PCDHA12: variants seen among roughly 807,000 people sequenced by gnomAD.
PCDHA12 encodes the protein protocadherin alpha 12.
A neutral mutation model predicts 60.0 loss-of-function variants in PCDHA12; 44 were observed. That is an observed-to-expected ratio of 0.73 (90% confidence interval 0.58 to 0.94). PCDHA12 has a LOEUF of 0.94. Among genes scored for constraint, PCDHA12 ranks in the 40% least tolerant of loss-of-function variants. The probability of loss-of-function intolerance (pLI) is 0.00; values close to 1 mark genes in which losing one functional copy is unlikely to be tolerated. For synonymous variants in PCDHA12, 569 were observed against 553.0 expected, an observed-to-expected ratio of 1.03 and a Z score of -0.40; for missense variants, 1,276 against 1,239.7, an observed-to-expected ratio of 1.03 and a Z score of -0.44.
rs570815670 is a variant in PCDHA12, at chr5:140,877,725, G to A, written c.2253G>A (p.Ser751=). 1 of 1,614,124 alleles carries A rather than the reference G, an allele frequency of 6.2e-7. No individual in the cohort carries two copies. The highest frequency in any genetic ancestry group is 8.5e-7 in the Non-Finnish European group (1 of 1,180,018). ...CSSAVGSWSY[S]QQRRQRVCSA... ...GCGCCGTGGGGAGTTGGTCTTACTCGCAGCAGAGGAGGCAGAGGGTGTGCT... is the reference window on the plus strand; with the variant it reads ...GCGCCGTGGGGAGTTGGTCTTACTCACAGCAGAGGAGGCAGAGGGTGTGCT... Residue 751 remains serine, a synonymous_variant, in exon 1 of 4, where the codon TCG becomes TCA. Coordinates refer to ENST00000398631, the MANE Select transcript of PCDHA12 (RefSeq NM_018903.4).
chr5:140,932,187 T>C (rs2153611225), intron 1 of PCDHA12, among the ~76,000 whole-genome samples: 1 of 152,028 alleles, frequency 6.6e-6, no homozygotes, highest in Admixed American at 6.5e-5. Context: ...CTCATGTCCA[T>C]TTTTTTCTGT....
intron 3 of PCDHA12, among the ~76,000 whole-genome samples, chr5:141,008,176 C>T (rs2098363819): frequency 6.6e-6 from 1 of 152,032 alleles, no homozygotes; most frequent in East Asian, 1.9e-4. Context: ...AAAATGTGAC[C>T]ATTGATTGTG....
At chr5:140,952,675 T>A (rs2153696875) in intron 1 of PCDHA12, among the ~76,000 whole-genome samples, 1 of 152,326 alleles carries the variant, frequency 6.6e-6, no homozygotes, top group East Asian at 1.9e-4. Context: ...ACTTTCACAT[T>A]TTCAGGATCT....
intron 1 of PCDHA12, chr5:140,930,126 C>T (rs1286889846): frequency 6.6e-6 from 1 of 152,108 alleles, no homozygotes; most frequent in Non-Finnish European, 1.5e-5. Flanking sequence ...GGATATAGGA[C>T]TTGACAACCT....
chr5:140,979,074 C>T, intron 2 of PCDHA12, 67 bp downstream of exon 2: 4 of 1,583,968 alleles, frequency 2.5e-6, no homozygotes, highest in Non-Finnish European at 2.6e-6. Context: ...TAAACTGCAT[C>T]TCCATAGGCC....
At chr5:140,931,947 T>C (rs782000891) in intron 1 of PCDHA12, among the ~76,000 whole-genome samples, 1 of 151,972 alleles carries the variant, frequency 6.6e-6, no homozygotes, top group Non-Finnish European at 1.5e-5. Context: ...GTCTGAGTCT[T>C]ACAGAATCAT....
rs184181976 is a variant in PCDHA12, at chr5:141,009,882, A to C, written c.2771A>C (p.Lys924Thr). Reference protein sequence around the residue: ...KKKKKKKKGNKTQEKKEKGNS... With the variant: ...KKKKKKKKGNTTQEKKEKGNS... Reference sequence around the variant, plus strand: ...AAGAAGAAAAAGAAGAAGGGTAACAAGACCCAGGAGAAAAAAGAGAAAGGG... The same window carrying C: ...AAGAAGAAAAAGAAGAAGGGTAACACGACCCAGGAGAAAAAAGAGAAAGGG... The change falls in exon 4 of 4, where the codon AAG becomes ACG. Residue 924 changes from lysine (K) to threonine (T), a missense_variant. Physicochemically the swap from Lys to Thr is moderately conservative, Grantham distance 78. Transcript: ENST00000398631. 6.2e-7 allele frequency: 1 copy of C among 1,613,488 alleles called. No homozygotes were observed. Among genetic ancestry groups the C allele is most frequent in the Non-Finnish European group, 8.5e-7 (1 of 1,179,914 alleles).
intron 1 of PCDHA12, chr5:140,926,823 G>C (rs1454618329): frequency 6.7e-7 from 1 of 1,496,998 alleles, no homozygotes; most frequent in Non-Finnish European, 8.9e-7. Context: ...TGCTCTCCAG[G>C]AGTCCGGAGC....
At chr5:140,973,273 C>A (rs1180418925) in intron 1 of PCDHA12, among the ~76,000 whole-genome samples, 1 of 152,150 alleles carries the variant, frequency 6.6e-6, no homozygotes, top group Non-Finnish European at 1.5e-5. Flanking sequence ...ACTTTTATTT[C>A]CCCCAGCACT....
rs781965106 is a variant in PCDHA12 at position 140,882,419 on chromosome 5, G to A, written c.2367+4580G>A. 8.7e-6 allele frequency: 14 copies of A among 1,613,992 alleles called. No homozygotes were observed. The African/African-American group carries it at 1.5e-4, about 17-fold the overall frequency. ...CACCTTCGTGGGCCGCATCGCTCAG[G>A]ACCTGGGGCTGGAGCTGGCGGAGCT... On this transcript the variant is annotated intron_variant, in intron 1 of 3. Transcript: ENST00000398631.
intron 1 of PCDHA12, among the ~76,000 whole-genome samples, chr5:140,947,550 G>A (rs967081376): frequency 7.3e-5 from 11 of 151,402 alleles, no homozygotes; most frequent in Admixed American, 3.9e-4. Flanking sequence ...AAAGAATTCC[G>A]CTGGGATTTA....
chr5:140,958,349 G>T lies in PCDHA12; in HGVS notation c.2368-20600G>T, dbSNP rs142186821. Among the ~76,000 whole-genome samples the T allele has an allele frequency of 7.9e-3, 1,199 of 152,218 alleles. 6 individuals carry two copies. The highest frequency in any genetic ancestry group is 0.012 in the Non-Finnish European group (790 of 67,966). On this transcript the variant is annotated intron_variant, in intron 1 of 3. Coordinates refer to ENST00000398631, the MANE Select transcript of PCDHA12 (RefSeq NM_018903.4). ...ATAAATAAATCACAGGAAGTTCACAGTCTGACTTTATCAGGAATGTTGCTA... is the reference window on the plus strand; with the variant it reads ...ATAAATAAATCACAGGAAGTTCACATTCTGACTTTATCAGGAATGTTGCTA...
chr5:140,900,226 G>A (rs1048533279), intron 1 of PCDHA12, among the ~76,000 whole-genome samples: 18 of 152,090 alleles, frequency 1.2e-4, no homozygotes, highest in Admixed American at 1.1e-3. Flanking sequence ...GCAAATGACT[G>A]GATCTTGTTT....
At chr5:140,915,572 C>T (rs2077180575) in intron 1 of PCDHA12, among the ~76,000 whole-genome samples, 1 of 152,106 alleles carries the variant, frequency 6.6e-6, no homozygotes, top group Admixed American at 6.6e-5. Context: ...ATCTGGATTG[C>T]CAGGCAAAAG....
At chr5:140,928,529 T>C in intron 1 of PCDHA12, 7 of 1,614,226 alleles carry the variant, frequency 4.3e-6, no homozygotes, top group Non-Finnish European at 4.2e-6. Flanking sequence ...TTGTTTGTGG[T>C]AGATAGGAAT....
At chr5:140,909,428 G>A (rs2074488610) in intron 1 of PCDHA12, among the ~76,000 whole-genome samples, 1 of 152,150 alleles carries the variant, frequency 6.6e-6, no homozygotes, top group African/African-American at 2.4e-5. Context: ...TTAAACTTAT[G>A]ATAATCCACT....
intron 1 of PCDHA12, among the ~76,000 whole-genome samples, chr5:140,962,929 A>T (rs1386992197): frequency 1.3e-5 from 2 of 152,070 alleles, no homozygotes; most frequent in Non-Finnish European, 2.9e-5. Context: ...ATACTTCTCA[A>T]CCTCCTCTCC....
intron 1 of PCDHA12, chr5:140,966,538 C>G: frequency 2.2e-6 from 1 of 463,262 alleles, no homozygotes; most frequent in Non-Finnish European, 3.7e-6. Flanking sequence ...GGTTGAGCGA[C>G]TCGGAGGCGA....
chr5:140,969,921 G>A (rs1417032241), intron 1 of PCDHA12, among the ~76,000 whole-genome samples: 2 of 152,198 alleles, frequency 1.3e-5, no homozygotes, highest in African/African-American at 2.4e-5. Flanking sequence ...TAAAGCTGTA[G>A]TATTTAGACA....
Sources: gnomAD v4.1 joint callset for allele counts (sites outside exome capture counted in the v4.1 genomes callset) on GRCh38, gnomAD v4.1.1 for gene constraint, MANE v1.5 for transcripts, NCBI Gene and HGNC (gene_info 2026-07-23, HGNC 2026-07-21) for gene names.